The following KCTD19 variants were observed in gnomAD, a reference collection of about 807,000 sequenced individuals.
KCTD19 encodes potassium channel tetramerization domain containing 19.
Under a neutral mutation model 103.5 loss-of-function variants are expected in KCTD19, and 67 were observed. The ratio of observed to expected loss-of-function variants is 0.65; its 90% CI spans 0.53 to 0.79. The LOEUF is 0.79. KCTD19 is among the 30% of genes least tolerant of loss of function. The probability of loss-of-function intolerance (pLI) is 0.00; values close to 1 mark genes in which losing one functional copy is unlikely to be tolerated. For missense variants in KCTD19, 980 were observed against 1,136.1 expected (o/e 0.86, Z 1.98); for synonymous variants, 439 against 452.2 (o/e 0.97, Z 0.37).
intron 14 of KCTD19, 89 bp from the exon 15 acceptor site, chr16:67,291,075 A>G: frequency 7.1e-7 from 1 of 1,406,726 alleles, no homozygotes. Context: ...CTGGGCCCAC[A>G]GAGCCACAGG....
chr16:67,306,800 C>T (rs963714042), intron 2 of KCTD19, among the ~76,000 whole-genome samples: 1 of 152,196 alleles, frequency 6.6e-6, no homozygotes, highest in African/African-American at 2.4e-5. Flanking sequence ...GCTTTGAACT[C>T]AGCATATCTG....
At chr16:67,299,620 G>T in intron 5 of KCTD19, 47 bp from the exon 6 acceptor site, 1 of 1,549,154 alleles carries the variant, frequency 6.5e-7, no homozygotes, top group Non-Finnish European at 8.8e-7. Context: ...CATGGTCATA[G>T]CTGGATTGGA....
chr16:67,301,104 A>C (rs1282506016), intron 5 of KCTD19: 1 of 152,408 alleles, frequency 6.6e-6, no homozygotes, highest in Non-Finnish European at 1.5e-5. Context: ...GGCTGAAGCC[A>C]TGCTCAGGTA....
chr16:67,304,658 T>C (rs1333509995), intron 2 of KCTD19, 87 bp from the exon 3 acceptor site: 6 of 1,237,792 alleles, frequency 4.8e-6, no homozygotes, highest in African/African-American at 1.5e-5. Context: ...AAAAACAGTA[T>C]GTGACTTACT....
Position 67,304,621 on chromosome 16 carries a change from T to C in KCTD19, c.301-50A>G, listed in dbSNP as rs368084886. ...CTTGAGAATCTAAACCAAGTAACTA[T>C]GTACCAATTCTAGTGTGAAGATCAG... On this transcript the variant is annotated intron_variant, in intron 2 of 15. Coordinates refer to ENST00000304372, the MANE Select transcript of KCTD19 (RefSeq NM_001100915.3). The C allele has an allele frequency of 4.5e-5, 68 of 1,505,030 alleles. No homozygotes were observed. In the African/African-American group the frequency reaches 9.0e-4, roughly 20 times the overall value. 93.2% of individuals were successfully genotyped at this position (1,505,030 alleles called of 1,614,324 possible). A position where few individuals can be genotyped will look rare whatever the true frequency, so the allele number is the denominator to read the frequency against.
intron 6 of KCTD19, 31 bp from the exon 7 acceptor site, chr16:67,297,694 C>G: frequency 6.2e-7 from 1 of 1,608,400 alleles, no homozygotes; most frequent in Non-Finnish European, 8.5e-7. Flanking sequence ...TCATGAAGAA[C>G]ATCAGCATTG....
intron 2 of KCTD19, among the ~76,000 whole-genome samples, chr16:67,319,180 G>A (rs940308084): frequency 5.3e-5 from 8 of 151,366 alleles, no homozygotes; most frequent in African/African-American, 1.9e-4. Context: ...CCGAGATGGC[G>A]CCATTGCACT....
chr16:67,299,069 C>T (rs914008190), intron 6 of KCTD19, among the ~76,000 whole-genome samples: 8 of 152,262 alleles, frequency 5.3e-5, no homozygotes, highest in Admixed American at 5.2e-4. Context: ...GGCCTGGTCA[C>T]CTCAGACCTA....
intron 5 of KCTD19, chr16:67,301,205 GA>G (rs1283120753): frequency 1.3e-5 from 2 of 153,102 alleles, no homozygotes; most frequent in African/African-American, 4.8e-5. Flanking sequence ...ATGAGGGGAA[GA>G]ACAAGCTGGA....
intron 2 of KCTD19, among the ~76,000 whole-genome samples, chr16:67,307,504 TG>T (rs2036906774): frequency 6.6e-6 from 1 of 151,964 alleles, no homozygotes; most frequent in Non-Finnish European, 1.5e-5. Context: ...TTAGTAGAGG[TG>T]GGGTTTCGCC....
chr16:67,303,422 C>A lies in KCTD19; in HGVS notation c.452-85G>T, dbSNP rs998182696. 8 of 1,124,234 alleles carry A rather than the reference C, an allele frequency of 7.1e-6. No homozygotes were observed. The highest frequency in any genetic ancestry group is 1.0e-5 in the Non-Finnish European group (8 of 790,676). 69.6% of individuals were successfully genotyped at this position (1,124,234 alleles called of 1,614,324 possible). A position where few individuals can be genotyped will look rare whatever the true frequency, so the allele number is the denominator to read the frequency against. ...CAGGGCTTTCACTGACCCAGGGGCCCCAGAGGATGCTAGAGAGACCCCCCA... is the reference window on the plus strand; with the variant it reads ...CAGGGCTTTCACTGACCCAGGGGCCACAGAGGATGCTAGAGAGACCCCCCA... On this transcript the variant is annotated intron_variant, in intron 3 of 15. Transcript: ENST00000304372. The surrounding 1 kb of genome is among the most constrained non-coding windows in gnomAD (Gnocchi z 4.3).
Position 67,303,116 on chromosome 16 carries a change from C to G in KCTD19, c.643+30G>C. On this transcript the variant is annotated intron_variant, in intron 4 of 15. Transcript: ENST00000304372. This position sits in a 1 kb window ranked among gnomAD's most constrained non-coding sequence, Gnocchi z 4.3. ...GGGTGAATGGGCCCTATCAGCCCGC[C>G]CCCCACCCCACCCCGGACAGAGCAA... The G allele has an allele frequency of 2.2e-6, 1 of 462,888 alleles. No homozygotes were observed. The highest frequency in any genetic ancestry group is 4.1e-6 in the Non-Finnish European group (1 of 241,408). 28.7% of individuals were successfully genotyped at this position (462,888 alleles called of 1,614,324 possible).
At position 67,293,999 on chromosome 16, in the gene KCTD19, T is replaced by A. The variant is rs1597392557; in HGVS notation, c.1763A>T (p.Tyr588Phe). Reference sequence around the variant, plus strand: ...GGTACACAAGCCACGGCAGTGTGAGTATGTGCTAGGGTTGCCAGCCCTCTT... The same window carrying A: ...GGTACACAAGCCACGGCAGTGTGAGAATGTGCTAGGGTTGCCAGCCCTCTT... ...NAKRAGNPST[Y>F]SHCRGLCTNP... The change falls in exon 12 of 16, where the codon TAC (tyrosine) becomes TTC (phenylalanine). Residue 588 changes from tyrosine to phenylalanine, a missense_variant. Transcript: ENST00000304372. The surrounding 1 kb of genome is among the most constrained non-coding windows in gnomAD (Gnocchi z 4.0). The A allele has an allele frequency of 6.2e-7, 1 of 1,614,010 alleles. No individual in the cohort carries two copies. Among genetic ancestry groups the A allele is most frequent in the South Asian group, 1.1e-5 (1 of 91,076 alleles).
At chr16:67,326,595 C>A in intron 1 of KCTD19, 110 bp downstream of exon 1, 2 of 1,457,806 alleles carry the variant, frequency 1.4e-6, no homozygotes, top group Non-Finnish European at 1.8e-6. Context: ...CTCGCTCTCT[C>A]CCATGCCCCA....
chr16:67,307,604 C>A (rs1020878867), intron 2 of KCTD19, among the ~76,000 whole-genome samples: 2 of 152,066 alleles, frequency 1.3e-5, no homozygotes, highest in African/African-American at 4.8e-5. Flanking sequence ...GCATGAGCCA[C>A]CACGCCTGGC....
intron 4 of KCTD19, chr16:67,302,610 G>A (rs745907635): frequency 3.2e-5 from 5 of 157,148 alleles, no homozygotes; most frequent in Non-Finnish European, 4.2e-5. Context: ...GTCAAAGGTG[G>A]AAAATCTCAT....
At chr16:67,290,474 G>A (rs1313771311) in intron 15 of KCTD19, among the ~76,000 whole-genome samples, 16 of 152,210 alleles carry the variant, frequency 1.1e-4, no homozygotes, top group Admixed American at 2.6e-4. Context: ...CACCGCGCCC[G>A]GCCTAAGAAT....
intron 2 of KCTD19, among the ~76,000 whole-genome samples, chr16:67,314,799 T>TTATATATATATATA (rs138495581): frequency 1.1e-4 from 5 of 45,896 alleles, no homozygotes; most frequent in African/African-American, 3.2e-4. Flanking sequence ...TCACTTAGCA[T>TTATATATATATATA]TATATATATA....
chr16:67,325,537 C>T (rs1418030312), intron 1 of KCTD19, among the ~76,000 whole-genome samples: 3 of 152,074 alleles, frequency 2.0e-5, no homozygotes, highest in Non-Finnish European at 4.4e-5. Context: ...CCACCACGCC[C>T]AGCCCACCCT....
Sources: gnomAD v4.1 joint callset for allele counts (sites outside exome capture counted in the v4.1 genomes callset) on GRCh38, gnomAD v4.1.1 for gene constraint, Gnocchi (gnomAD v3.1) non-coding constraint, MANE v1.5 for transcripts, NCBI Gene and HGNC (gene_info 2026-07-23, HGNC 2026-07-21) for gene names.